Variants in ADAMTS17 observed in about 807,000 individuals in gnomAD.
ADAMTS17 encodes ADAM metallopeptidase with thrombospondin type 1 motif 17.
ADAMTS17 carries 113 observed loss-of-function variants against 141.5 expected under a neutral mutation model. That is an observed-to-expected ratio of 0.80 (90% CI 0.69 to 0.93). ADAMTS17 has a LOEUF of 0.93. ADAMTS17 is among the 40% of genes least tolerant of loss of function. The probability of loss-of-function intolerance (pLI) is 0.00; values close to 1 mark genes in which losing one functional copy is unlikely to be tolerated. For missense variants in ADAMTS17, 1,659 were observed against 1,517.9 expected, an observed-to-expected ratio of 1.09 and a Z score of -1.54; for synonymous variants, 768 against 630.6, an observed-to-expected ratio of 1.22 and a Z score of -3.27.
intron 10 of ADAMTS17, among the ~76,000 whole-genome samples, chr15:100,135,428 C>G (rs189306859): frequency 1.3e-5 from 2 of 151,920 alleles, no homozygotes; most frequent in Non-Finnish European, 2.9e-5. Context: ...GGACCACAGG[C>G]GCCCGCCACC....
At position 99,993,434 on chromosome 15, in the gene ADAMTS17, G is replaced by A. The variant is rs796578829; in HGVS notation, c.2797-234C>T. Among the ~76,000 whole-genome samples, 1 of 152,310 alleles carries A rather than the reference G, an allele frequency of 6.6e-6. No homozygotes were observed. The highest frequency in any genetic ancestry group is 2.4e-5 in the African/African-American group (1 of 41,576). ...GGGACCTAGGAATCAGGAGTGGGAAGAACCTGGGGTACTCATAAGGTCACA... is the reference window on the plus strand; with the variant it reads ...GGGACCTAGGAATCAGGAGTGGGAAAAACCTGGGGTACTCATAAGGTCACA... On this transcript the variant is annotated intron_variant, in intron 19 of 21. Transcript: ENST00000268070. The surrounding 1 kb of genome is among the most constrained non-coding windows in gnomAD (Gnocchi z 4.3).
intron 18 of ADAMTS17, among the ~76,000 whole-genome samples, chr15:100,019,208 C>A (rs938435549): frequency 1.3e-4 from 20 of 152,104 alleles, no homozygotes; most frequent in African/African-American, 3.6e-4. Context: ...ACACAACAAA[C>A]AATACTCTCT....
At chr15:100,213,508 T>C (rs2141731899) in intron 7 of ADAMTS17, among the ~76,000 whole-genome samples, 1 of 152,186 alleles carries the variant, frequency 6.6e-6, no homozygotes, top group South Asian at 2.1e-4. Context: ...CCCGGGAACA[T>C]CCCATGCCAG....
intron 2 of ADAMTS17, among the ~76,000 whole-genome samples, chr15:100,337,313 T>C (rs747924742): frequency 3.3e-5 from 5 of 152,246 alleles, no homozygotes; most frequent in Non-Finnish European, 4.4e-5. Context: ...GCTACCAACA[T>C]GGACACGTGG....
At position 100,097,477 on chromosome 15, in the gene ADAMTS17, A is replaced by G. The variant is rs574485957; in HGVS notation, c.2017-1001T>C. Among the ~76,000 whole-genome samples, 11 of 152,240 alleles carry G rather than the reference A, an allele frequency of 7.2e-5. No individual in the cohort carries two copies. The South Asian group carries it at 2.3e-3, about 32-fold the overall frequency. On this transcript the variant is annotated intron_variant, in intron 14 of 21. Transcript: ENST00000268070. Reference sequence around the variant, plus strand: ...AGAAGCAGCACCGTGCTTCCCCCTCACAGGTACTCCCACCTGCAGGCAGGG... The same window carrying G: ...AGAAGCAGCACCGTGCTTCCCCCTCGCAGGTACTCCCACCTGCAGGCAGGG...
intron 2 of ADAMTS17, among the ~76,000 whole-genome samples, chr15:100,338,190 T>C (rs2046261766): frequency 6.6e-6 from 1 of 152,144 alleles, no homozygotes; most frequent in African/African-American, 2.4e-5. Context: ...GGCAGGCCCA[T>C]GCCTCTATCT....
chr15:99,978,570 A>C (rs1235599389), intron 20 of ADAMTS17: 1 of 152,236 alleles, frequency 6.6e-6, no homozygotes, highest in Non-Finnish European at 1.5e-5. Context: ...TGCAGATTTC[A>C]GGGCTCCATC....
chr15:100,297,526 T>G (rs1252209779), intron 3 of ADAMTS17, among the ~76,000 whole-genome samples: 2 of 152,128 alleles, frequency 1.3e-5, no homozygotes, highest in African/African-American at 4.8e-5. Context: ...GGAACAATAC[T>G]GGGGCTATTT....
intron 7 of ADAMTS17, among the ~76,000 whole-genome samples, chr15:100,218,234 TG>T (rs1289811353): frequency 6.6e-6 from 1 of 152,238 alleles, no homozygotes; most frequent in East Asian, 1.9e-4. Flanking sequence ...ATGACAGATA[TG>T]CTAACTAGCC....
chr15:100,039,189 A>G (rs1175786632), intron 18 of ADAMTS17, among the ~76,000 whole-genome samples: 4 of 152,104 alleles, frequency 2.6e-5, no homozygotes, highest in Admixed American at 6.5e-5. Context: ...ATTTCTTCCT[A>G]TAGTTAACTT....
chr15:100,104,967 G>C (rs1162365286), intron 14 of ADAMTS17, among the ~76,000 whole-genome samples: 1 of 152,206 alleles, frequency 6.6e-6, no homozygotes, highest in Non-Finnish European at 1.5e-5. Context: ...CTAACAATTT[G>C]GAGTTTTGTG....
At chr15:100,248,451 A>G (rs1349948583) in intron 7 of ADAMTS17, among the ~76,000 whole-genome samples, 1 of 152,140 alleles carries the variant, frequency 6.6e-6, no homozygotes, top group Non-Finnish European at 1.5e-5. Flanking sequence ...AGAGGAACGC[A>G]AAGGGCAGGC....
At position 100,108,995 on chromosome 15, in the gene ADAMTS17, C is replaced by G. The variant is rs951833353; in HGVS notation, c.2010G>C (p.Lys670Asn). The change falls in exon 14 of 22, where the codon AAG becomes AAC. Residue 670 changes from lysine (K) to asparagine (N), a missense_variant. By Grantham distance (94) the Lys-to-Asn change is moderately conservative (BLOSUM62 0). Transcript: ENST00000268070. ...CGAAGGAGAAGTACGTCACCTGGCA[C>G]TTGCCGTGCACGCAGAGATCAGTCT... ...PYETDLCVHG[K>N]CQKIGCDGII... 6.2e-7 allele frequency: 1 copy of G among 1,613,932 alleles called. No individual in the cohort carries two copies. Among genetic ancestry groups the G allele is most frequent in the African/African-American group, 1.3e-5 (1 of 74,938 alleles).
chr15:100,194,793 C>G (rs1006314053), intron 8 of ADAMTS17, among the ~76,000 whole-genome samples: 1 of 152,206 alleles, frequency 6.6e-6, no homozygotes, highest in Non-Finnish European at 1.5e-5. Flanking sequence ...GGCGTGTCAT[C>G]CCAGCTGGGC....
At chr15:100,173,248 G>T (rs2040223827) in intron 8 of ADAMTS17, among the ~76,000 whole-genome samples, 1 of 151,582 alleles carries the variant, frequency 6.6e-6, no homozygotes, top group Non-Finnish European at 1.5e-5. Flanking sequence ...TTTTAGAAAT[G>T]CAATTACAGT....
At chr15:100,309,508 C>T (rs1406188636) in intron 3 of ADAMTS17, among the ~76,000 whole-genome samples, 1 of 152,226 alleles carries the variant, frequency 6.6e-6, no homozygotes, top group Non-Finnish European at 1.5e-5. Context: ...TCTGGCCTGC[C>T]TCAGTCTGGT....
At chr15:99,984,141 C>A (rs1279180267) in intron 20 of ADAMTS17, among the ~76,000 whole-genome samples, 1 of 152,182 alleles carries the variant, frequency 6.6e-6, no homozygotes, top group Non-Finnish European at 1.5e-5. Context: ...GAATTCGCGG[C>A]CTGCTGACCT....
intron 20 of ADAMTS17, chr15:99,979,009 GAAC>G (rs1473749452): frequency 4.6e-5 from 7 of 152,238 alleles, no homozygotes; most frequent in African/African-American, 1.7e-4. Context: ...AATTAAGCAA[GAAC>G]AACATCCAGG....
At chr15:100,195,613 C>CAAAAAA (rs71287815) in intron 8 of ADAMTS17, among the ~76,000 whole-genome samples, 9 of 63,620 alleles carry the variant, frequency 1.4e-4, no homozygotes, top group African/African-American at 4.2e-4. Context: ...TGTTTGGTCT[C>CAAAAAA]AAAAAAAAAA....
Sources: allele counts gnomAD v4.1 joint callset (sites outside exome capture counted in the v4.1 genomes callset), GRCh38; gene constraint gnomAD v4.1.1; non-coding constraint Gnocchi (gnomAD v3.1); transcripts MANE v1.5; gene names NCBI Gene and HGNC (gene_info 2026-07-23, HGNC 2026-07-21).